PTGER3: variants seen among roughly 807,000 people sequenced by gnomAD.
PTGER3 encodes the protein prostaglandin E2 receptor EP3 subtype.
PTGER3 carries 22 observed loss-of-function variants against 34.7 expected under a neutral mutation model. That is an observed-to-expected ratio of 0.63 (90% CI 0.45 to 0.91). The LOEUF is 0.91. PTGER3 is among the 40% of genes least tolerant of loss of function. The probability of loss-of-function intolerance (pLI) is 0.00; values close to 1 mark genes in which losing one functional copy is unlikely to be tolerated. For missense variants in PTGER3, 468 were observed against 519.4 expected (o/e 0.90, Z 0.96); for synonymous variants, 241 against 230.1 (o/e 1.05, Z -0.43).
At chr1:70,859,818 A>G (rs1645888207) in intron 4 of PTGER3, among the ~76,000 whole-genome samples, 1 of 152,220 alleles carries the variant, frequency 6.6e-6, no homozygotes, top group East Asian at 1.9e-4. Flanking sequence ...GAAGTTGACA[A>G]GAAAGATGTT....
chr1:71,037,944 A>G (rs1294072786), intron 1 of PTGER3, among the ~76,000 whole-genome samples: 1 of 152,194 alleles, frequency 6.6e-6, no homozygotes, highest in Non-Finnish European at 1.5e-5. Flanking sequence ...GCATTCTTCT[A>G]TTTGGGGAAA....
chr1:70,866,890 C>T (rs891943828), intron 4 of PTGER3, among the ~76,000 whole-genome samples: 1 of 152,158 alleles, frequency 6.6e-6, no homozygotes, highest in African/African-American at 2.4e-5. Context: ...GCTCCGAATG[C>T]CTTACTGGAT....
At chr1:70,900,966 T>G (rs577380499) in intron 4 of PTGER3, among the ~76,000 whole-genome samples, 1 of 152,304 alleles carries the variant, frequency 6.6e-6, no homozygotes, top group Admixed American at 6.5e-5. Flanking sequence ...TTAGACATAC[T>G]GCAAGGGTAT....
intron 2 of PTGER3, among the ~76,000 whole-genome samples, chr1:70,975,005 A>G (rs1434572784): frequency 6.6e-6 from 1 of 152,116 alleles, no homozygotes; most frequent in African/African-American, 2.4e-5. Flanking sequence ...CAACTTGGAG[A>G]ATCACTTTCT....
intron 1 of PTGER3, among the ~76,000 whole-genome samples, chr1:71,033,196 A>AAG (rs1394425340): frequency 1.3e-5 from 2 of 152,318 alleles, no homozygotes; most frequent in East Asian, 3.9e-4. Flanking sequence ...CCTGGAGAGG[A>AAG]AGAGAGAGGT....
At chr1:70,874,127 T>A (rs1431639182) in intron 4 of PTGER3, among the ~76,000 whole-genome samples, 1 of 152,208 alleles carries the variant, frequency 6.6e-6, no homozygotes, top group African/African-American at 2.4e-5. Flanking sequence ...TGTGTCTCTT[T>A]AAGTATTTGT....
At position 71,008,609 on chromosome 1, in the gene PTGER3, A is replaced by G. The variant is rs1025359173; in HGVS notation, c.1077+3696T>C. On this transcript the variant is annotated intron_variant, in intron 2 of 3. Transcript: ENST00000306666. ...AATTGGCTCGATCATAACCTATGTC[A>G]TGAAACATCACAGACATCTGTCACT... The G allele has an allele frequency of 6.1e-6, 6 of 984,810 alleles. No homozygotes were observed. The African/African-American group carries it at 8.7e-5, about 14-fold the overall frequency. The allele number at this position is 984,810 out of a possible 1,614,324, so 61.0% of individuals were successfully genotyped here.
downstream of PTGER3, among the ~76,000 whole-genome samples, chr1:70,968,592 C>G (rs975417362): frequency 6.6e-5 from 10 of 151,892 alleles, no homozygotes; most frequent in Non-Finnish European, 1.5e-4. Context: ...CATAATATAA[C>G]ATTATTTTCA....
At chr1:70,955,520 A>G (rs764806984) in intron 2 of PTGER3, among the ~76,000 whole-genome samples, 29 of 152,112 alleles carry the variant, frequency 1.9e-4, no homozygotes, top group Admixed American at 3.9e-4. Flanking sequence ...GAAGGAAGAT[A>G]AGGAGGAAGG....
chr1:71,003,289 C>A (rs1396096777), intron 2 of PTGER3, among the ~76,000 whole-genome samples: 1 of 152,146 alleles, frequency 6.6e-6, no homozygotes, highest in Non-Finnish European at 1.5e-5. Context: ...AAATTTAGTG[C>A]CTATAGAAGT....
chr1:71,034,496 C>T (rs956186615), intron 1 of PTGER3, among the ~76,000 whole-genome samples: 1 of 152,132 alleles, frequency 6.6e-6, no homozygotes, highest in Non-Finnish European at 1.5e-5. Flanking sequence ...GTTTACATTG[C>T]TAATATAATT....
intron 2 of PTGER3, among the ~76,000 whole-genome samples, chr1:71,000,410 T>C (rs894614826): frequency 2.0e-5 from 3 of 152,202 alleles, no homozygotes; most frequent in Admixed American, 2.0e-4. Context: ...ACTATGGTCA[T>C]TATCACCAGT....
At chr1:70,909,510 T>C (rs1647018742) in intron 4 of PTGER3, among the ~76,000 whole-genome samples, 1 of 152,194 alleles carries the variant, frequency 6.6e-6, no homozygotes, top group Non-Finnish European at 1.5e-5. Context: ...GAAGGCCCCA[T>C]AAAAGGACAT....
chr1:71,007,152 A>G, intron 2 of PTGER3: 1 of 985,824 alleles, frequency 1.0e-6, no homozygotes, highest in Non-Finnish European at 1.2e-6. Flanking sequence ...GAGGTGAAGA[A>G]CACTATGCTT....
intron 4 of PTGER3, among the ~76,000 whole-genome samples, chr1:70,913,833 A>T (rs1647114361): frequency 6.6e-6 from 1 of 151,962 alleles, no homozygotes; most frequent in East Asian, 1.9e-4. Flanking sequence ...CCACTCAGTC[A>T]TGATTTGTTA....
intron 4 of PTGER3, among the ~76,000 whole-genome samples, chr1:70,913,647 A>T: frequency 6.6e-6 from 1 of 151,950 alleles, no homozygotes; most frequent in East Asian, 1.9e-4. Flanking sequence ...AGGAAAAAGA[A>T]GTTCCCTTTA....
chr1:70,904,612 C>T (rs1646907473), intron 4 of PTGER3, among the ~76,000 whole-genome samples: 1 of 152,052 alleles, frequency 6.6e-6, no homozygotes, highest in African/African-American at 2.4e-5. Context: ...TTTTCCCCTG[C>T]CCTAGAGATT....
intron 2 of PTGER3, chr1:71,006,785 A>G (rs904031428): frequency 1.0e-6 from 1 of 985,444 alleles, no homozygotes; most frequent in Non-Finnish European, 1.2e-6. Context: ...ATGGGATTTC[A>G]GCAAAATACT....
chr1:71,007,081 A>G, intron 2 of PTGER3: 1 of 984,898 alleles, frequency 1.0e-6, no homozygotes, highest in Non-Finnish European at 1.2e-6. Context: ...AACTTTACAT[A>G]GAGGTGATAA....
Sources: allele counts gnomAD v4.1 joint callset (sites outside exome capture counted in the v4.1 genomes callset), GRCh38; gene constraint gnomAD v4.1.1; transcripts MANE v1.5; gene names NCBI Gene and HGNC (gene_info 2026-07-23, HGNC 2026-07-21).